GRM7: variants seen among roughly 807,000 people sequenced by gnomAD.
GRM7 encodes the protein glutamate metabotropic receptor 7.
In GRM7, 35 loss-of-function variants were observed where a neutral mutation model predicts 84.5. The observed-to-expected ratio is 0.41, with a 90% CI of 0.32 to 0.55. The LOEUF (loss-of-function observed/expected upper bound fraction) is 0.55, where lower values mean the gene tolerates loss of function less well. Among genes scored for constraint, GRM7 ranks in the 20% least tolerant of loss-of-function variants. The probability of loss-of-function intolerance (pLI) is 0.19; values close to 1 mark genes in which losing one functional copy is unlikely to be tolerated. For missense variants in GRM7, 1,003 were observed against 1,194.6 expected, an observed-to-expected ratio of 0.84 and a Z score of 2.36; for synonymous variants, 487 against 455.1, an observed-to-expected ratio of 1.07 and a Z score of -0.89.
At chr3:7,442,372 G>T (rs529429251) in intron 5 of GRM7, among the ~76,000 whole-genome samples, 5 of 152,146 alleles carry the variant, frequency 3.3e-5, no homozygotes, top group Non-Finnish European at 5.9e-5. Flanking sequence ...CTGAGACTAT[G>T]GGTCTTATAG....
chr3:7,669,379 T>C (rs953985559), intron 8 of GRM7, among the ~76,000 whole-genome samples: 6 of 152,154 alleles, frequency 3.9e-5, no homozygotes, highest in Non-Finnish European at 5.9e-5. Context: ...GAACAACATG[T>C]GCAAAGGGCT....
At chr3:7,282,362 C>G (rs57521140) in intron 2 of GRM7, among the ~76,000 whole-genome samples, 7,584 of 152,240 alleles carry the variant, frequency 0.05, 572 homozygotes, top group African/African-American at 0.16. Flanking sequence ...CTTGCCTTTT[C>G]CAGATTGTAG....
In GRM7 at chr3:6,928,068, G is replaced by A. The variant is rs186226390; in HGVS notation, c.519+66161G>A. 3.5e-4 allele frequency among the ~76,000 whole-genome samples: 53 copies of A among 151,502 alleles called. No homozygotes were observed. Among genetic ancestry groups the A allele is most frequent in the African/African-American group, 1.3e-3 (52 of 41,352 alleles). On this transcript the variant is annotated intron_variant, in intron 1 of 9. Coordinates refer to ENST00000357716, the MANE Select transcript of GRM7 (RefSeq NM_000844.4). The surrounding 1 kb of genome is among the most constrained non-coding windows in gnomAD (Gnocchi z 4.5). ...GACCTTCACATTTGAAATTATTTCA[G>A]TTATATCCCTTTTATCTGTTTTGCT...
intron 8 of GRM7, among the ~76,000 whole-genome samples, chr3:7,616,107 T>C (rs1168224489): frequency 1.3e-5 from 2 of 152,136 alleles, no homozygotes; most frequent in African/African-American, 2.4e-5. Flanking sequence ...TGTTCAATAA[T>C]GCTCTATTTA....
intron 1 of GRM7, among the ~76,000 whole-genome samples, chr3:6,996,592 TTATGGA>T (rs1694838540): frequency 6.6e-6 from 1 of 152,174 alleles, no homozygotes; most frequent in African/African-American, 2.4e-5. Flanking sequence ...ACGTCACAAC[TTATGGA>T]TATCTGTTTG....
rs367721139 is a variant in GRM7, at chr3:7,578,948, A to C, written c.2042A>C (p.Tyr681Ser). Residue 681 changes from tyrosine (Y) to serine (S), a missense_variant, in exon 8 of 10, where the codon TAT becomes TCT. This residue lies in a region of GRM7 where 910 missense variants were observed against 1,126.0 expected (regional missense o/e 0.81). Coordinates refer to ENST00000357716, the MANE Select transcript of GRM7 (RefSeq NM_000844.4). The stretch of plus-strand genomic sequence containing the variant: ...CTCTTGACGAAAACAAATCGGATTT[A>C]TCGCATATTTGAGCAGGGCAAGAAA... ...AALLTKTNRI[Y>S]RIFEQGKKSV... 1.2e-6 allele frequency: 2 copies of C among 1,614,170 alleles called. No homozygotes were observed. The highest frequency in any genetic ancestry group is 1.7e-6 in the Non-Finnish European group (2 of 1,180,020).
chr3:7,042,832 C>G (rs1462469083), intron 1 of GRM7, among the ~76,000 whole-genome samples: 3 of 151,938 alleles, frequency 2.0e-5, no homozygotes, highest in African/African-American at 7.3e-5. Context: ...TTTTTTATGT[C>G]TGATAATTTT....
chr3:7,494,471 A>G (rs1699628781), intron 7 of GRM7, among the ~76,000 whole-genome samples: 1 of 152,140 alleles, frequency 6.6e-6, no homozygotes, highest in African/African-American at 2.4e-5. Flanking sequence ...AGATTAGTTC[A>G]GCTTCTTTAG....
At chr3:7,738,872 T>A in intron 9 of GRM7, among the ~76,000 whole-genome samples, 1 of 152,116 alleles carries the variant, frequency 6.6e-6, no homozygotes, top group East Asian at 1.9e-4. Flanking sequence ...GAAACATCTT[T>A]TGAAAGTTTT....
chr3:6,862,870 C>A lies in GRM7; in HGVS notation c.519+963C>A. On this transcript the variant is annotated intron_variant, in intron 1 of 9. Coordinates refer to ENST00000357716, the MANE Select transcript of GRM7 (RefSeq NM_000844.4). This position sits in a 1 kb window ranked among gnomAD's most constrained non-coding sequence, Gnocchi z 5.2. ...GCGGGGCCCCGTGGTCCTCCTGCTC[C>A]GGTGCCGGAGGGAGACGGAGAAAAA... 2.6e-6 allele frequency: 1 copy of A among 385,986 alleles called. No homozygotes were observed. Among genetic ancestry groups the A allele is most frequent in the African/African-American group, 2.1e-5 (1 of 47,504 alleles). 23.9% of individuals were successfully genotyped at this position (385,986 alleles called of 1,614,324 possible). A position where few individuals can be genotyped will look rare whatever the true frequency, so the allele number is the denominator to read the frequency against.
chr3:7,367,653 C>T (rs1693955261), intron 4 of GRM7, among the ~76,000 whole-genome samples: 2 of 151,586 alleles, frequency 1.3e-5, no homozygotes, highest in Admixed American at 1.3e-4. Context: ...AATAATTCTT[C>T]CAATATCTTA....
Position 7,568,793 on chromosome 3 carries a change from G to A in GRM7, c.1516-9629G>A, listed in dbSNP as rs1475843709. Among the ~76,000 whole-genome samples the A allele has an allele frequency of 3.3e-5, 5 of 152,088 alleles. No homozygotes were observed. The East Asian group carries it at 5.8e-4, about 18-fold the overall frequency. ...CCCCCAACAGTACCGGCCCACTGGC[G>A]CTGCGCTTGATTTCTTGCCGGGCCT... On this transcript the variant is annotated intron_variant, in intron 7 of 9. Coordinates refer to ENST00000357716, the MANE Select transcript of GRM7 (RefSeq NM_000844.4).
chr3:7,556,981 A>G (rs987528903), intron 7 of GRM7, among the ~76,000 whole-genome samples: 1 of 152,208 alleles, frequency 6.6e-6, no homozygotes, highest in Non-Finnish European at 1.5e-5. Flanking sequence ...TCTTTAGGCC[A>G]TGCCAAGAAT....
At chr3:7,504,000 T>C (rs1400683445) in intron 7 of GRM7, among the ~76,000 whole-genome samples, 2 of 152,206 alleles carry the variant, frequency 1.3e-5, no homozygotes, top group African/African-American at 4.8e-5. Flanking sequence ...CCTACCCATG[T>C]ACCTAATATA....
At position 6,884,190 on chromosome 3, in the gene GRM7, G is replaced by A. The variant is rs540368552; in HGVS notation, c.519+22283G>A. On this transcript the variant is annotated intron_variant, in intron 1 of 9. Transcript: ENST00000357716. The stretch of plus-strand genomic sequence containing the variant: ...AAATTATATCAATTTGTCAAGTACA[G>A]TAGCTACCTGTTCTGTTTTATTTCT... 46 of 152,736 alleles carry A rather than the reference G, an allele frequency of 3.0e-4. 2 individuals carry two copies. Among genetic ancestry groups the A allele is most frequent in the Admixed American group, 2.0e-3 (31 of 15,292 alleles). The allele number at this position is 152,736 out of a possible 1,614,324, so 9.5% of individuals were successfully genotyped here.
chr3:7,722,422 C>T (rs533006058), intron 9 of GRM7, among the ~76,000 whole-genome samples: 1 of 149,350 alleles, frequency 6.7e-6, no homozygotes, highest in African/African-American at 2.5e-5. Context: ...CAGGGTCATA[C>T]AGCTGAATGG....
intron 7 of GRM7, among the ~76,000 whole-genome samples, chr3:7,538,745 A>ATC (rs1692703610): frequency 1.3e-5 from 2 of 152,252 alleles, no homozygotes; most frequent in Non-Finnish European, 2.9e-5. Flanking sequence ...ACACAGTTTA[A>ATC]TCGGTTTTTG....
chr3:7,215,887 G>A (rs1040853053), intron 2 of GRM7, among the ~76,000 whole-genome samples: 15 of 152,080 alleles, frequency 9.9e-5, no homozygotes, highest in South Asian at 6.2e-4. Context: ...CAACTTTCCC[G>A]CCAACTGAAT....
At chr3:7,394,550 A>G (rs1411385019) in intron 4 of GRM7, among the ~76,000 whole-genome samples, 2 of 152,234 alleles carry the variant, frequency 1.3e-5, no homozygotes, top group Non-Finnish European at 1.5e-5. Context: ...ATACAAATAT[A>G]TAGAAATTTT....
Sources: allele counts gnomAD v4.1 joint callset (sites outside exome capture counted in the v4.1 genomes callset), GRCh38; gene constraint gnomAD v4.1.1; regional missense constraint gnomAD v4.1.1; non-coding constraint Gnocchi (gnomAD v3.1); transcripts MANE v1.5; gene names NCBI Gene and HGNC (gene_info 2026-07-23, HGNC 2026-07-21).